The following RIMS1 variants were observed in gnomAD, a reference collection of about 807,000 sequenced individuals.
RIMS1 encodes regulating synaptic membrane exocytosis 1, also known as regulating synaptic membrane exocytosis protein 1.
A neutral mutation model predicts 214.1 loss-of-function variants in RIMS1; 83 were observed. The ratio of observed to expected loss-of-function variants is 0.39; its 90% confidence interval spans 0.32 to 0.47. RIMS1 has a LOEUF of 0.47. Ranked by LOEUF, RIMS1 falls within the 20% of genes least tolerant of loss-of-function variation. The pLI, the probability that RIMS1 is intolerant of heterozygous loss-of-function variation, is 0.99. For synonymous variants in RIMS1, 793 were observed against 786.8 expected, an observed-to-expected ratio of 1.01 and a Z score of -0.13; for missense variants, 2,050 against 2,161.8, an observed-to-expected ratio of 0.95 and a Z score of 1.03.
chr6:71,969,126 A>T (rs889690988), intron 2 of RIMS1, 63 bp downstream of exon 2: 3 of 1,458,014 alleles, frequency 2.1e-6, no homozygotes, highest in Non-Finnish European at 2.9e-6. Flanking sequence ...ATGGTTACAG[A>T]TTTATTCACA....
At chr6:72,061,687 T>A (rs971426123) in intron 2 of RIMS1, among the ~76,000 whole-genome samples, 2 of 152,250 alleles carry the variant, frequency 1.3e-5, no homozygotes, top group African/African-American at 4.8e-5. Flanking sequence ...TGTTTCAGCA[T>A]CTCTGAGAAA....
At chr6:72,252,423 G>A (rs1438973844) in intron 15 of RIMS1, among the ~76,000 whole-genome samples, 2 of 152,120 alleles carry the variant, frequency 1.3e-5, no homozygotes. Flanking sequence ...CTGAACTGCA[G>A]AGGAAAGCAC....
At chr6:72,023,256 A>G (rs1227997659) in intron 2 of RIMS1, among the ~76,000 whole-genome samples, 14 of 152,210 alleles carry the variant, frequency 9.2e-5, no homozygotes, top group Admixed American at 6.5e-4. Context: ...GATAGCTAAC[A>G]TATACATTTT....
At chr6:72,280,112 AT>A (rs890400892) in intron 23 of RIMS1, among the ~76,000 whole-genome samples, 14 of 151,618 alleles carry the variant, frequency 9.2e-5, no homozygotes, top group Non-Finnish European at 1.6e-4. Context: ...TTTTATTGTA[AT>A]TTTTGGGCTT....
intron 1 of RIMS1, among the ~76,000 whole-genome samples, chr6:71,898,895 T>G (rs563529890): frequency 6.6e-6 from 1 of 152,312 alleles, no homozygotes; most frequent in South Asian, 2.1e-4. Context: ...TGGTTCCATT[T>G]TAACTACCAA....
intron 29 of RIMS1, among the ~76,000 whole-genome samples, chr6:72,351,807 T>A (rs1044267543): frequency 6.6e-6 from 1 of 152,160 alleles, no homozygotes; most frequent in African/African-American, 2.4e-5. Context: ...CAGAAAAATA[T>A]TTAATTTGGA....
In RIMS1 at chr6:72,058,525, C is replaced by T. The variant is rs530713496; in HGVS notation, c.246-38424C>T. On this transcript the variant is annotated intron_variant, in intron 2 of 33. Transcript: ENST00000521978. ...CACCTGACTGAGTCTGTCTTTCTCC[C>T]ATCCCTTGTAGGAACCCTTTCATAT... Among the ~76,000 whole-genome samples, 44 of 152,338 alleles carry T rather than the reference C, an allele frequency of 2.9e-4. 2 individuals are homozygous for T. The highest frequency in any genetic ancestry group is 4.1e-4 in the South Asian group (2 of 4,826).
At chr6:72,377,900 T>C (rs79475855) in intron 29 of RIMS1, among the ~76,000 whole-genome samples, 1,906 of 152,350 alleles carry the variant, frequency 0.013, 21 homozygotes, top group East Asian at 0.029. Flanking sequence ...TAATGTTGAC[T>C]TCTCAGTAAT....
intron 28 of RIMS1, chr6:72,316,496 T>C (rs2095805397): frequency 2.8e-6 from 1 of 352,788 alleles, no homozygotes; most frequent in Non-Finnish European, 5.5e-6. Flanking sequence ...ACCTGGTGTT[T>C]TGAGGCTGCT....
chr6:72,331,000 AC>A (rs1235403960), intron 28 of RIMS1, among the ~76,000 whole-genome samples: 1 of 151,270 alleles, frequency 6.6e-6, no homozygotes, highest in Non-Finnish European at 1.5e-5. Flanking sequence ...ATATAACTTA[AC>A]CCCCTCCCAA....
At chr6:72,238,129 A>G (rs1202090523) in intron 9 of RIMS1, among the ~76,000 whole-genome samples, 3 of 152,052 alleles carry the variant, frequency 2.0e-5, no homozygotes, top group African/African-American at 4.8e-5. Context: ...AAGTAACTCT[A>G]CATCAGCAGC....
intron 26 of RIMS1, among the ~76,000 whole-genome samples, chr6:72,295,744 A>C (rs971147656): frequency 2.0e-5 from 3 of 151,738 alleles, no homozygotes; most frequent in Non-Finnish European, 4.4e-5. Context: ...TGCTGTATTC[A>C]TTCTTTCTTT....
rs374240872 is a variant in RIMS1 at position 72,235,716 on chromosome 6, G to A, written c.1845G>A (p.Leu615=). The A allele has an allele frequency of 3.1e-6, 5 of 1,597,752 alleles. No homozygotes were observed. In the African/African-American group the frequency reaches 4.0e-5, roughly 13 times the overall value. The change falls in exon 8 of 34, where the codon TTG becomes TTA. Residue 615 remains leucine (L), a synonymous_variant. Transcript: ENST00000521978. ...RTTMPKDSGA[L]LGLKVVGGKM... ...CCATGCCCAAAGACTCAGGTGCATT[G>A]CTGGGTCTGAAAGTAAGTATGCTGG...
At chr6:72,014,856 C>T (rs1283422435) in intron 2 of RIMS1, among the ~76,000 whole-genome samples, 1 of 152,166 alleles carries the variant, frequency 6.6e-6, no homozygotes, top group Non-Finnish European at 1.5e-5. Flanking sequence ...GTCAAGCATC[C>T]TTTCATGATA....
intron 6 of RIMS1, among the ~76,000 whole-genome samples, chr6:72,213,918 T>C (rs966014631): frequency 6.6e-6 from 1 of 152,204 alleles, no homozygotes; most frequent in African/African-American, 2.4e-5. Flanking sequence ...CTGTGAAATA[T>C]ATAACCCAGA....
chr6:72,104,986 A>G (rs1378468119), intron 4 of RIMS1, among the ~76,000 whole-genome samples: 1 of 152,140 alleles, frequency 6.6e-6, no homozygotes, highest in African/African-American at 2.4e-5. Flanking sequence ...ACTGGAGTGC[A>G]GTGGTGCAAT....
chr6:72,353,040 G>T (rs1190733497), intron 29 of RIMS1, among the ~76,000 whole-genome samples: 4 of 142,552 alleles, frequency 2.8e-5, no homozygotes, highest in Non-Finnish European at 4.5e-5. Context: ...GCCCAGGCTG[G>T]AGTGCAATGG....
chr6:72,036,962 CTGAG>C (rs1490319218), intron 2 of RIMS1, among the ~76,000 whole-genome samples: 1 of 152,154 alleles, frequency 6.6e-6, no homozygotes, highest in Non-Finnish European at 1.5e-5. Context: ...ACCAGAATCT[CTGAG>C]TAAGTATCAC....
chr6:72,243,195 A>G (rs951039605), intron 10 of RIMS1, among the ~76,000 whole-genome samples: 2 of 151,596 alleles, frequency 1.3e-5, no homozygotes, highest in African/African-American at 2.4e-5. Flanking sequence ...TTTTTTCCCT[A>G]TTCTCCAAAA....
Sources: gnomAD v4.1 joint callset for allele counts (sites outside exome capture counted in the v4.1 genomes callset) on GRCh38, gnomAD v4.1.1 for gene constraint, MANE v1.5 for transcripts, NCBI Gene and HGNC (gene_info 2026-07-23, HGNC 2026-07-21) for gene names.